The following PCGF3 variants were observed in gnomAD, a reference collection of about 807,000 sequenced individuals.
The protein encoded by PCGF3 is polycomb group RING finger protein 3.
In PCGF3, 7 loss-of-function variants were observed where a neutral mutation model predicts 33.1. That is an observed-to-expected ratio of 0.21 (90% CI 0.12 to 0.40). PCGF3 has a LOEUF of 0.40. Among genes scored for constraint, PCGF3 ranks in the 10% least tolerant of loss-of-function variants. PCGF3 has a pLI of 1.00. For missense variants in PCGF3, 211 were observed against 313.3 expected (o/e 0.67, Z 2.46); for synonymous variants, 153 against 121.3 (o/e 1.26, Z -1.72).
intron 1 of PCGF3, among the ~76,000 whole-genome samples, chr4:715,429 G>C (rs377405618): frequency 7.7e-6 from 1 of 129,874 alleles, no homozygotes; most frequent in South Asian, 2.6e-4. Flanking sequence ...AGCACTGGGC[G>C]TCGGTGCTGG....
At chr4:766,188 A>G in exon 11 of PCGF3, 1 of 812,918 alleles carries the variant, frequency 1.2e-6, no homozygotes, top group Non-Finnish European at 2.0e-6. Context: ...ACTTCTGAAT[A>G]GAGAATATTT....
At chr4:763,721 T>C (rs1745198366) in intron 9 of PCGF3, among the ~76,000 whole-genome samples, 1 of 152,148 alleles carries the variant, frequency 6.6e-6, no homozygotes, top group Non-Finnish European at 1.5e-5. Flanking sequence ...ATTTACCCAC[T>C]GGAAATCTCC....
intron 1 of PCGF3, among the ~76,000 whole-genome samples, chr4:728,660 C>G (rs962646182): frequency 6.6e-6 from 1 of 152,186 alleles, no homozygotes; most frequent in African/African-American, 2.4e-5. Context: ...TAGTTATTGT[C>G]TGTCTTCCTT....
At chr4:707,091 C>T (rs1473872319) in intron 1 of PCGF3, among the ~76,000 whole-genome samples, 1 of 152,092 alleles carries the variant, frequency 6.6e-6, no homozygotes, top group African/African-American at 2.4e-5. Context: ...TGCACAGGAC[C>T]CCCAGAGTGC....
chr4:735,933 A>G (rs1743804391), intron 5 of PCGF3, among the ~76,000 whole-genome samples: 1 of 152,252 alleles, frequency 6.6e-6, no homozygotes, highest in South Asian at 2.1e-4. Flanking sequence ...GTTGCTCCAA[A>G]GGAAGGGAAA....
At chr4:757,656 C>T (rs1219463823) in intron 8 of PCGF3, 1 of 152,172 alleles carries the variant, frequency 6.6e-6, no homozygotes, top group Non-Finnish European at 1.5e-5. Flanking sequence ...TTACCTTACA[C>T]ATTCCACGAT....
intron 8 of PCGF3, among the ~76,000 whole-genome samples, chr4:754,846 C>T (rs1360956648): frequency 6.6e-6 from 1 of 152,194 alleles, no homozygotes; most frequent in Admixed American, 6.5e-5. Flanking sequence ...GCGTCTGAGC[C>T]AGAGGCCCAG....
intron 8 of PCGF3, among the ~76,000 whole-genome samples, chr4:758,255 G>A (rs570266694): frequency 8.1e-5 from 12 of 147,768 alleles, no homozygotes; most frequent in African/African-American, 2.5e-4. Context: ...GGCTCTCACC[G>A]GGCACCCCCT....
At chr4:757,189 A>G (rs1200495718) in intron 8 of PCGF3, 1 of 83,958 alleles carries the variant, frequency 1.2e-5, no homozygotes, top group Non-Finnish European at 2.4e-5. Flanking sequence ...ACCCCCGCCC[A>G]TGTGTGTCTG....
intron 1 of PCGF3, among the ~76,000 whole-genome samples, chr4:710,486 C>T (rs1474716571): frequency 1.3e-5 from 2 of 152,190 alleles, no homozygotes; most frequent in African/African-American, 2.4e-5. Context: ...TTAAAGCCTG[C>T]CCAGCACAGC....
intron 8 of PCGF3, among the ~76,000 whole-genome samples, chr4:753,791 A>G (rs1269467175): frequency 6.6e-6 from 1 of 152,022 alleles, no homozygotes; most frequent in Admixed American, 6.6e-5. Context: ...CTACTAAAAT[A>G]CAAAAAATTA....
chr4:752,898 T>C (rs1023859493), intron 8 of PCGF3, among the ~76,000 whole-genome samples: 3 of 152,394 alleles, frequency 2.0e-5, no homozygotes, highest in African/African-American at 7.2e-5. Context: ...GCCAGTGCCC[T>C]CCTGGTGCCC....
chr4:732,707 C>T (rs1039770692), intron 3 of PCGF3, among the ~76,000 whole-genome samples: 6 of 152,298 alleles, frequency 3.9e-5, no homozygotes, highest in African/African-American at 7.2e-5. Flanking sequence ...AGTGGTGTCA[C>T]GCATGCAGCA....
chr4:712,571 T>G (rs1405462765), intron 1 of PCGF3, among the ~76,000 whole-genome samples: 1 of 152,146 alleles, frequency 6.6e-6, no homozygotes, highest in Non-Finnish European at 1.5e-5. Flanking sequence ...CTCAGCTCCC[T>G]AAGTAGCTGG....
At chr4:753,792 C>CA (rs1301159751) in intron 8 of PCGF3, among the ~76,000 whole-genome samples, 7 of 151,894 alleles carry the variant, frequency 4.6e-5, no homozygotes, top group Admixed American at 2.0e-4. Context: ...TACTAAAATA[C>CA]AAAAAATTAG....
intron 6 of PCGF3, among the ~76,000 whole-genome samples, chr4:740,476 T>C (rs550737109): frequency 6.6e-6 from 1 of 152,338 alleles, no homozygotes; most frequent in East Asian, 1.9e-4. Flanking sequence ...TTTCACTCGG[T>C]GGGCGTGTCA....
At chr4:733,538 T>G in intron 3 of PCGF3, 134 bp from the exon 4 acceptor site, 1 of 821,622 alleles carries the variant, frequency 1.2e-6, no homozygotes, top group East Asian at 2.7e-5. Context: ...TGGGACCCCG[T>G]GAGCCCAAGA....
In PCGF3 at chr4:735,879, G is replaced by A. The variant is rs548103990; in HGVS notation, c.206+852G>A. Among the ~76,000 whole-genome samples the A allele has an allele frequency of 2.6e-5, 4 of 152,336 alleles. No homozygotes were observed. The East Asian group carries it at 5.8e-4, about 22-fold the overall frequency. ...GGCCAAGGGGCCAGCCAGGTGGAGC[G>A]TGTGGTTCTCACACAGATTTGGGAG... On this transcript the variant is annotated intron_variant, in intron 5 of 10. Coordinates refer to ENST00000362003, the Ensembl canonical transcript of PCGF3.
At chr4:722,865 C>T (rs1170570581) in intron 1 of PCGF3, among the ~76,000 whole-genome samples, 1 of 100,630 alleles carries the variant, frequency 9.9e-6, no homozygotes, top group African/African-American at 4.2e-5. Flanking sequence ...TCGCCATCCA[C>T]GCCGGGTCCA....
Sources: gnomAD v4.1 joint callset for allele counts (sites outside exome capture counted in the v4.1 genomes callset) on GRCh38, gnomAD v4.1.1 for gene constraint, MANE v1.5 for transcripts, NCBI Gene and HGNC (gene_info 2026-07-23, HGNC 2026-07-21) for gene names.